The following FBXL18 variants were observed in gnomAD, a reference collection of about 807,000 sequenced individuals.
The protein encoded by FBXL18 is F-box/LRR-repeat protein 18.
A neutral mutation model predicts 46.0 loss-of-function variants in FBXL18; 36 were observed. The ratio of observed to expected loss-of-function variants is 0.78; its 90% CI spans 0.60 to 1.03. FBXL18 has a LOEUF of 1.03. Ranked by LOEUF, FBXL18 falls within the 50% of genes least tolerant of loss-of-function variation. The pLI, the probability that FBXL18 is intolerant of heterozygous loss-of-function variation, is 0.00. For missense variants in FBXL18, 977 were observed against 1,004.1 expected (o/e 0.97, Z 0.36); for synonymous variants, 557 against 465.3 (o/e 1.20, Z -2.54).
chr7:5,490,288 C>G, intron 4 of FBXL18: 1 of 1,235,068 alleles, frequency 8.1e-7, no homozygotes, highest in Admixed American at 3.0e-5. Flanking sequence ...CTCAGGAGCC[C>G]TGATCACTCC....
chr7:5,510,369 C>G (rs1396852083), intron 1 of FBXL18, among the ~76,000 whole-genome samples: 4 of 149,974 alleles, frequency 2.7e-5, no homozygotes, highest in African/African-American at 9.8e-5. Context: ...GTGGCAAAAC[C>G]TCGTCTCTAC....
chr7:5,463,387 A>G (rs934480092), intron 4 of FBXL18, among the ~76,000 whole-genome samples: 4 of 151,980 alleles, frequency 2.6e-5, no homozygotes, highest in African/African-American at 9.7e-5. Flanking sequence ...TGGGAGGTCA[A>G]GGCAGGAGGA....
chr7:5,503,833 G>A (rs1361560683), intron 2 of FBXL18, among the ~76,000 whole-genome samples: 1 of 152,034 alleles, frequency 6.6e-6, no homozygotes, highest in Non-Finnish European at 1.5e-5. Context: ...CAGATGTGGT[G>A]GCAGGCGCCT....
chr7:5,464,201 G>A (rs1783308329), intron 4 of FBXL18, among the ~76,000 whole-genome samples: 1 of 151,992 alleles, frequency 6.6e-6, no homozygotes, highest in South Asian at 2.1e-4. Flanking sequence ...AATATTAACT[G>A]GGCATGGTGG....
chr7:5,471,637 C>G (rs1175323222), downstream of FBXL18, among the ~76,000 whole-genome samples: 4 of 152,198 alleles, frequency 2.6e-5, no homozygotes, highest in Non-Finnish European at 5.9e-5. Context: ...GTCTCGATCT[C>G]CTGACCTCAT....
intron 4 of FBXL18, among the ~76,000 whole-genome samples, chr7:5,467,758 C>A (rs1783364170): frequency 6.6e-6 from 1 of 152,188 alleles, no homozygotes; most frequent in Non-Finnish European, 1.5e-5. Flanking sequence ...TAAGGAGAGT[C>A]TCTTCTAAAG....
intron 4 of FBXL18, among the ~76,000 whole-genome samples, chr7:5,469,530 A>C (rs1429399159): frequency 6.6e-6 from 1 of 152,102 alleles, no homozygotes; most frequent in East Asian, 1.9e-4. Context: ...TGAATGTGTG[A>C]GCTATCAGTG....
At position 5,500,923 on chromosome 7, in the gene FBXL18, C is replaced by A; in HGVS notation, c.1346G>T (p.Gly449Val). 1 of 1,564,912 alleles carries A rather than the reference C, an allele frequency of 6.4e-7. No homozygotes were observed. Among genetic ancestry groups the A allele is most frequent in the Non-Finnish European group, 8.6e-7 (1 of 1,156,412 alleles). ...PAMHAVPRGFGKKVRVGVQSC... is the reference protein window; with the variant it reads ...PAMHAVPRGFVKKVRVGVQSC... ...CTGCACGCCCACACGCACTTTCTTGCCAAAGCCGCGCGGCACTGCGTGCAT... is the reference window on the plus strand; with the variant it reads ...CTGCACGCCCACACGCACTTTCTTGACAAAGCCGCGCGGCACTGCGTGCAT... Residue 449 changes from glycine (G) to valine (V), a missense_variant, in exon 3 of 5, where the codon GGC becomes GTC. Coordinates refer to ENST00000382368, the MANE Select transcript of FBXL18 (RefSeq NM_024963.6).
At chr7:5,493,534 C>T (rs1341483592) in intron 3 of FBXL18, among the ~76,000 whole-genome samples, 3 of 151,978 alleles carry the variant, frequency 2.0e-5, no homozygotes, top group Non-Finnish European at 4.4e-5. Context: ...TGACCACTTG[C>T]TCCACCCGCC....
At chr7:5,470,920 C>T (rs1018708234), downstream of FBXL18, among the ~76,000 whole-genome samples, 5 of 152,134 alleles carry the variant, frequency 3.3e-5, no homozygotes, top group Non-Finnish European at 7.4e-5. Context: ...AGAGGCGTCC[C>T]TGTGTCCTTG....
At chr7:5,468,796 T>C (rs1440096869) in intron 4 of FBXL18, among the ~76,000 whole-genome samples, 1 of 151,950 alleles carries the variant, frequency 6.6e-6, no homozygotes, top group East Asian at 1.9e-4. Context: ...GACAAGGATC[T>C]CACTATGTTG....
intron 3 of FBXL18, among the ~76,000 whole-genome samples, chr7:5,492,267 G>C (rs183700605): frequency 6.6e-6 from 1 of 150,890 alleles, no homozygotes; most frequent in Non-Finnish European, 1.5e-5. Context: ...GCCATGTCTC[G>C]AAGTACAGTG....
At chr7:5,463,336 G>C (rs2128231123) in intron 4 of FBXL18, among the ~76,000 whole-genome samples, 1 of 152,064 alleles carries the variant, frequency 6.6e-6, no homozygotes, top group East Asian at 1.9e-4. Flanking sequence ...ATTTGGCCAT[G>C]AGGGCTGGGG....
intron 3 of FBXL18, among the ~76,000 whole-genome samples, chr7:5,493,861 C>T (rs929206100): frequency 5.9e-5 from 9 of 151,790 alleles, no homozygotes; most frequent in South Asian, 2.1e-4. Flanking sequence ...CAGCCAGGTG[C>T]GGTGGCTCAC....
intron 2 of FBXL18, 25 bp downstream of exon 2, chr7:5,505,387 A>G (rs778624277): frequency 1.2e-6 from 2 of 1,606,736 alleles, no homozygotes; most frequent in South Asian, 2.2e-5. Flanking sequence ...CTTGTTTCTC[A>G]TCTCCTGCCC....
rs1390211191 is a variant in FBXL18 at position 5,478,584 on chromosome 7, A to C, written c.*3191T>G. The C allele has an allele frequency of 6.6e-6, 1 of 152,310 alleles. No homozygotes were observed. Among genetic ancestry groups the C allele is most frequent in the Non-Finnish European group, 1.5e-5 (1 of 68,124 alleles). The allele number at this position is 152,310 out of a possible 1,614,324, so 9.4% of individuals were successfully genotyped here. ...CACAGGCAGGAGGGGGCAGCCAGAG[A>C]GGTTGGGGCTCTCCCTTTTAAAGAA... On this transcript the variant is annotated 3_prime_UTR_variant, in exon 5 of 5. Coordinates refer to ENST00000382368, the MANE Select transcript of FBXL18 (RefSeq NM_024963.6).
downstream of FBXL18, among the ~76,000 whole-genome samples, chr7:5,475,257 G>A (rs1028729478): frequency 7.9e-5 from 12 of 152,034 alleles, no homozygotes; most frequent in Non-Finnish European, 1.3e-4. This position sits in a 1 kb window ranked among gnomAD's most constrained non-coding sequence, Gnocchi z 4.2. Flanking sequence ...AGGAGGCGGA[G>A]GTAGCAGTGA....
At chr7:5,499,502 G>A (rs938322514) in intron 3 of FBXL18, among the ~76,000 whole-genome samples, 11 of 152,160 alleles carry the variant, frequency 7.2e-5, no homozygotes, top group Admixed American at 2.0e-4. Context: ...GCTGAGGCAG[G>A]TGAATCACCT....
In FBXL18 at chr7:5,501,889, G is replaced by A. The variant is rs753018895; in HGVS notation, c.380C>T (p.Ser127Leu). ...GCGCAGGGAAGTGAGGTGGCAGCCC[G>A]AGAGGTTCACCTTCACCAGGCTGCG... ...RCRSLVKVNL[S>L]GCHLTSLRLS... Residue 127 changes from serine to leucine, a missense_variant, in exon 3 of 5, where the codon TCG (serine) becomes TTG (leucine). By Grantham distance (145) the Ser-to-Leu change is moderately radical (BLOSUM62 -2). Coordinates refer to ENST00000382368, the MANE Select transcript of FBXL18 (RefSeq NM_024963.6). 14 of 1,602,922 alleles carry A rather than the reference G, an allele frequency of 8.7e-6. No homozygotes were observed. The highest frequency in any genetic ancestry group is 2.2e-5 in the East Asian group (1 of 44,480).
Sources: gnomAD v4.1 joint callset for allele counts (sites outside exome capture counted in the v4.1 genomes callset) on GRCh38, gnomAD v4.1.1 for gene constraint, Gnocchi (gnomAD v3.1) non-coding constraint, MANE v1.5 for transcripts, NCBI Gene and HGNC (gene_info 2026-07-23, HGNC 2026-07-21) for gene names.